The following IGF2BP2 variants were observed in gnomAD, a reference collection of about 807,000 sequenced individuals.
The protein encoded by IGF2BP2 is insulin-like growth factor 2 mRNA-binding protein 2.
Under a neutral mutation model 75.8 loss-of-function variants are expected in IGF2BP2, and 17 were observed. The ratio of observed to expected loss-of-function variants is 0.22; its 90% CI spans 0.15 to 0.34. The LOEUF is 0.34. Among genes scored for constraint, IGF2BP2 ranks in the 10% least tolerant of loss-of-function variants. IGF2BP2 has a pLI of 1.00. For synonymous variants in IGF2BP2, 288 were observed against 295.6 expected (o/e 0.97, Z 0.26); for missense variants, 516 against 772.4 (o/e 0.67, Z 3.93).
chr3:185,647,810 G>T lies in IGF2BP2; in HGVS notation c.1594-672C>A, dbSNP rs1335771769. Among the ~76,000 whole-genome samples, 1 of 152,238 alleles carries T rather than the reference G, an allele frequency of 6.6e-6. No homozygotes were observed. Among genetic ancestry groups the T allele is most frequent in the Non-Finnish European group, 1.5e-5 (1 of 68,040 alleles). ...CAACAGGACTGCACGCTTCCTGAGG[G>T]CTCAGACCCCGTCCTCTGGCCCTCT... is the stretch of plus-strand genomic sequence containing the variant. On this transcript the variant is annotated intron_variant, in intron 14 of 15. Transcript: ENST00000382199. The surrounding 1 kb of genome is among the most constrained non-coding windows in gnomAD (Gnocchi z 4.9).
chr3:185,693,353 T>C (rs1382892254), intron 4 of IGF2BP2: 2 of 152,258 alleles, frequency 1.3e-5, no homozygotes, highest in African/African-American at 4.8e-5. Context: ...GAGTTTTAAT[T>C]ATAATTTGCA....
At chr3:185,772,210 G>T (rs1055759916) in intron 2 of IGF2BP2, among the ~76,000 whole-genome samples, 2 of 152,092 alleles carry the variant, frequency 1.3e-5, no homozygotes, top group Non-Finnish European at 1.5e-5. Context: ...ATGCCTGGCC[G>T]ATACTACAAA....
intron 2 of IGF2BP2, among the ~76,000 whole-genome samples, chr3:185,732,616 G>T (rs1728339997): frequency 6.6e-6 from 1 of 152,138 alleles, no homozygotes; most frequent in South Asian, 2.1e-4. Flanking sequence ...GCCTCCTTCT[G>T]CAAGACCCAT....
chr3:185,815,316 T>C (rs1229906176), intron 2 of IGF2BP2, among the ~76,000 whole-genome samples: 5 of 152,216 alleles, frequency 3.3e-5, no homozygotes, highest in Admixed American at 6.5e-5. Context: ...GTTTTATATA[T>C]GGAAATTTTC....
chr3:185,763,787 T>A (rs1013086979), intron 2 of IGF2BP2, among the ~76,000 whole-genome samples: 1 of 152,242 alleles, frequency 6.6e-6, no homozygotes, highest in Non-Finnish European at 1.5e-5. Context: ...GGATTAAGAA[T>A]GTTCTTTGTT....
intron 2 of IGF2BP2, among the ~76,000 whole-genome samples, chr3:185,732,028 G>A (rs946337462): frequency 4.6e-5 from 7 of 151,940 alleles, no homozygotes; most frequent in Non-Finnish European, 1.0e-4. Flanking sequence ...TCCGGAGCAC[G>A]TTCAGCTCCT....
chr3:185,645,603 C>T lies in IGF2BP2; in HGVS notation c.1728G>A (p.Arg576=), dbSNP rs1713371083. ...GCTGCTTCACCTGTTGTACAATTTC[C>T]CTGATCTTGCGCTGTGCAGTCTGCA... The part of the protein sequence containing the change: ...FASQTAQRKI[R]EIVQQVKQQE... Residue 576 remains arginine (R), a synonymous_variant, in exon 16 of 16, where the codon AGG becomes AGA. Transcript: ENST00000382199. This position sits in a 1 kb window ranked among gnomAD's most constrained non-coding sequence, Gnocchi z 4.9. The T allele has an allele frequency of 6.2e-7, 1 of 1,613,862 alleles. No homozygotes were observed. The highest frequency in any genetic ancestry group is 8.5e-7 in the Non-Finnish European group (1 of 1,179,826).
intron 2 of IGF2BP2, among the ~76,000 whole-genome samples, chr3:185,809,332 T>C (rs1326952914): frequency 6.6e-6 from 1 of 152,242 alleles, no homozygotes; most frequent in Non-Finnish European, 1.5e-5. Flanking sequence ...CCACCAACTC[T>C]AAAATTTTGC....
At chr3:185,696,478 G>A (rs960529654) in intron 4 of IGF2BP2, 134 bp downstream of exon 4, 1 of 713,134 alleles carries the variant, frequency 1.4e-6, no homozygotes, top group Non-Finnish European at 2.4e-6. Flanking sequence ...TTACATAGAT[G>A]TAAATACATA....
At chr3:185,681,799 A>G (rs886965816) in intron 7 of IGF2BP2, among the ~76,000 whole-genome samples, 1 of 152,248 alleles carries the variant, frequency 6.6e-6, no homozygotes, top group African/African-American at 2.4e-5. Flanking sequence ...TAAGGTGCTG[A>G]GACCACTAGA....
chr3:185,649,335 G>A, intron 14 of IGF2BP2, 68 bp downstream of exon 14: 1 of 1,586,608 alleles, frequency 6.3e-7, no homozygotes, highest in Non-Finnish European at 8.6e-7. Flanking sequence ...GGGAGACTGA[G>A]GGAACTCAGG....
At chr3:185,679,244 C>T (rs557581677) in intron 7 of IGF2BP2, among the ~76,000 whole-genome samples, 1 of 150,230 alleles carries the variant, frequency 6.7e-6, no homozygotes, top group East Asian at 1.9e-4. Flanking sequence ...TAGTGATGTG[C>T]TTTGATTTTC....
intron 10 of IGF2BP2, among the ~76,000 whole-genome samples, chr3:185,665,491 A>AAGGAGG (rs1228337044): frequency 0.15 from 5,543 of 37,640 alleles, 990 homozygotes; most frequent in Middle Eastern, 0.31. Flanking sequence ...GAAGGAGGAG[A>AAGGAGG]AGGAGGAGGA....
intron 2 of IGF2BP2, among the ~76,000 whole-genome samples, chr3:185,797,678 C>T (rs532857582): frequency 1.3e-5 from 2 of 151,862 alleles, no homozygotes; most frequent in South Asian, 2.1e-4. Flanking sequence ...CCAATGCAGG[C>T]GGATCAGCTG....
intron 2 of IGF2BP2, chr3:185,767,857 T>C (rs568136119): frequency 3.2e-5 from 5 of 154,102 alleles, no homozygotes; most frequent in African/African-American, 9.6e-5. Flanking sequence ...GCAAAAGTAA[T>C]TGCAGTTTTT....
chr3:185,763,279 A>G (rs868450249), intron 2 of IGF2BP2, among the ~76,000 whole-genome samples: 2 of 152,136 alleles, frequency 1.3e-5, no homozygotes, highest in Non-Finnish European at 1.5e-5. Context: ...CCATTTTAAA[A>G]CAAGCTTTTT....
intron 2 of IGF2BP2, among the ~76,000 whole-genome samples, chr3:185,749,496 A>T (rs147102526): frequency 1.6e-3 from 238 of 152,346 alleles, no homozygotes; most frequent in African/African-American, 5.6e-3. Context: ...ACAATTCATG[A>T]ATGAGCTAAT....
intron 2 of IGF2BP2, among the ~76,000 whole-genome samples, chr3:185,736,197 G>A (rs955608911): frequency 1.3e-5 from 2 of 152,190 alleles, no homozygotes; most frequent in Admixed American, 6.5e-5. Context: ...CTAGGTCTAA[G>A]GGGGTACTGG....
chr3:185,736,847 G>A (rs1188402063), intron 2 of IGF2BP2, among the ~76,000 whole-genome samples: 1 of 152,152 alleles, frequency 6.6e-6, no homozygotes, highest in Non-Finnish European at 1.5e-5. Flanking sequence ...ACCCTGATAC[G>A]CAAAACTGTG....
Sources: allele counts gnomAD v4.1 joint callset (sites outside exome capture counted in the v4.1 genomes callset), GRCh38; gene constraint gnomAD v4.1.1; non-coding constraint Gnocchi (gnomAD v3.1); transcripts MANE v1.5; gene names NCBI Gene and HGNC (gene_info 2026-07-23, HGNC 2026-07-21).